Variants in SLC32A1 observed in about 807,000 individuals in gnomAD.
SLC32A1 encodes the protein vesicular inhibitory amino acid transporter.
SLC32A1 carries 8 observed loss-of-function variants against 35.5 expected under a neutral mutation model. The observed-to-expected ratio is 0.23, with a 90% confidence interval of 0.13 to 0.41. The LOEUF is 0.41. SLC32A1 is among the 10% of genes least tolerant of loss of function. SLC32A1 has a pLI of 1.00. For missense variants in SLC32A1, 493 were observed against 722.3 expected, an observed-to-expected ratio of 0.68 and a Z score of 3.64; for synonymous variants, 317 against 326.3, an observed-to-expected ratio of 0.97 and a Z score of 0.31.
rs890048254 is a variant in SLC32A1 at position 38,726,989 on chromosome 20, C to G, written c.391-463C>G. ...AGCCCCACCACAAATCCCGTGCCCA[C>G]TCTTTCCACTGGCCCAGGCCCAGCT... On this transcript the variant is annotated intron_variant, in intron 1 of 1. Coordinates refer to ENST00000217420, the MANE Select transcript of SLC32A1 (RefSeq NM_080552.3). The surrounding 1 kb of genome is among the most constrained non-coding windows in gnomAD (Gnocchi z 4.7). 1.3e-5 allele frequency among the ~76,000 whole-genome samples: 2 copies of G among 152,166 alleles called. No homozygotes were observed. Among genetic ancestry groups the G allele is most frequent in the Non-Finnish European group, 2.9e-5 (2 of 68,008 alleles).
At chr20:38,725,447 G>A (rs2084271748) in intron 1 of SLC32A1, among the ~76,000 whole-genome samples, 3 of 152,234 alleles carry the variant, frequency 2.0e-5, no homozygotes, top group Non-Finnish European at 4.4e-5. Context: ...AGGATTGGAG[G>A]GCACGGTTTG....
Position 38,724,699 on chromosome 20 carries a change from T to G in SLC32A1, c.-26T>G. On this transcript the variant is annotated 5_prime_UTR_variant, in exon 1 of 2. Coordinates refer to ENST00000217420, the MANE Select transcript of SLC32A1 (RefSeq NM_080552.3). ...TTCCCCGCATCCTCGGGTCCTTCTG[T>G]CCTTTCCGCTGTCCCCACCGCCGCC... is the stretch of plus-strand genomic sequence containing the variant. 3 of 1,575,320 alleles carry G rather than the reference T, an allele frequency of 1.9e-6. No individual in the cohort carries two copies. Among genetic ancestry groups the G allele is most frequent in the Non-Finnish European group, 2.6e-6 (3 of 1,162,714 alleles).
Position 38,728,947 on chromosome 20 carries a change from C to G in SLC32A1, c.*308C>G. ...GCCCCGACACTTTGGTTCCAGTCAT[C>G]GAGGGGGTTGGGAAGGGAGGGAGAG... On this transcript the variant is annotated 3_prime_UTR_variant, in exon 2 of 2. Coordinates refer to ENST00000217420, the MANE Select transcript of SLC32A1 (RefSeq NM_080552.3). 10 of 255,504 alleles carry G rather than the reference C, an allele frequency of 3.9e-5. No homozygotes were observed. The highest frequency in any genetic ancestry group is 7.6e-5 in the East Asian group (1 of 13,134). 15.8% of individuals were successfully genotyped at this position (255,504 alleles called of 1,614,324 possible).
rs1309408202 is a variant in SLC32A1 at position 38,728,704 on chromosome 20, C to G, written c.*65C>G. 1 of 1,445,556 alleles carries G rather than the reference C, an allele frequency of 6.9e-7. No homozygotes were observed. Among genetic ancestry groups the G allele is most frequent in the African/African-American group, 1.4e-5 (1 of 70,428 alleles). 89.5% of individuals were successfully genotyped at this position (1,445,556 alleles called of 1,614,324 possible). ...CCCTTCTCCCCTCACCCCGCCCCCA[C>G]CAGCCCAGTGCGCCCTGCCGCCGCG... On this transcript the variant is annotated 3_prime_UTR_variant, in exon 2 of 2. Transcript: ENST00000217420.
chr20:38,728,960 A>T lies in SLC32A1; in HGVS notation c.*321A>T, dbSNP rs2084289396. ...GGTTCCAGTCATCGAGGGGGTTGGG[A>T]AGGGAGGGAGAGGGGGCGCAGCTCG... On this transcript the variant is annotated 3_prime_UTR_variant, in exon 2 of 2. Transcript: ENST00000217420. 3.2e-6 allele frequency: 1 copy of T among 316,282 alleles called. No homozygotes were observed. The highest frequency in any genetic ancestry group is 5.7e-5 in the East Asian group (1 of 17,672). The allele number at this position is 316,282 out of a possible 1,614,324, so 19.6% of individuals were successfully genotyped here. A position where few individuals can be genotyped will look rare whatever the true frequency, so the allele number is the denominator to read the frequency against.
rs1475342463 is a variant in SLC32A1, at chr20:38,726,282, G to T, written c.390+1168G>T. Reference sequence around the variant, plus strand: ...TTTTCTGGGAGCAGAGGCCTCCCAGGGGTTGTTCCATGTATCGGGGTAAGC... The same window carrying T: ...TTTTCTGGGAGCAGAGGCCTCCCAGTGGTTGTTCCATGTATCGGGGTAAGC... On this transcript the variant is annotated intron_variant, in intron 1 of 1. Coordinates refer to ENST00000217420, the MANE Select transcript of SLC32A1 (RefSeq NM_080552.3). The surrounding 1 kb of genome is among the most constrained non-coding windows in gnomAD (Gnocchi z 4.7). Among the ~76,000 whole-genome samples, 1 of 152,200 alleles carries T rather than the reference G, an allele frequency of 6.6e-6. No individual in the cohort carries two copies. The highest frequency in any genetic ancestry group is 1.5e-5 in the Non-Finnish European group (1 of 68,038).
rs759666849 is a variant in SLC32A1, at chr20:38,728,282, G to A, written c.1221G>A (p.Lys407=). 2 of 1,613,686 alleles carry A rather than the reference G, an allele frequency of 1.2e-6. No homozygotes were observed. The highest frequency in any genetic ancestry group is 1.7e-6 in the Non-Finnish European group (2 of 1,179,654). ...PFFAAVEVLE[K]SLFQEGSRAF... ...TTGCCGCTGTCGAGGTGCTGGAGAA[G>A]TCGCTCTTCCAGGAAGGCAGCCGCG... The change falls in exon 2 of 2, where the codon AAG becomes AAA. Residue 407 remains lysine, a synonymous_variant. Coordinates refer to ENST00000217420, the MANE Select transcript of SLC32A1 (RefSeq NM_080552.3).
rs1464822213 is a variant in SLC32A1 at position 38,728,334 on chromosome 20, G to A, written c.1273G>A (p.Asp425Asn). Reference protein sequence around the residue: ...RAFFPACYSGDGRLKSWGLTL... With the variant: ...RAFFPACYSGNGRLKSWGLTL... ...CTTTTTCCCGGCCTGCTACAGCGGC[G>A]ACGGGCGCCTGAAGTCCTGGGGGCT... Residue 425 changes from aspartate to asparagine, a missense_variant, in exon 2 of 2, where the codon GAC becomes AAC. Asp to Asn is a conservative substitution (Grantham distance 23, BLOSUM62 1). Transcript: ENST00000217420. 5 of 1,613,162 alleles carry A rather than the reference G, an allele frequency of 3.1e-6. No homozygotes were observed. Among genetic ancestry groups the A allele is most frequent in the Non-Finnish European group, 4.2e-6 (5 of 1,179,786 alleles).
rs1308668818 is a variant in SLC32A1, at chr20:38,728,073, T to C, written c.1012T>C (p.Cys338Arg). The C allele has an allele frequency of 6.2e-7, 1 of 1,614,052 alleles. No individual in the cohort carries two copies. Among genetic ancestry groups the C allele is most frequent in the East Asian group, 2.2e-5 (1 of 44,884 alleles). Residue 338 changes from cysteine (C) to arginine (R), a missense_variant, in exon 2 of 2, where the codon TGC (cysteine) becomes CGC (arginine). This residue lies in a region of SLC32A1 where 269 missense variants were observed against 445.6 expected (regional missense o/e 0.60). Coordinates refer to ENST00000217420, the MANE Select transcript of SLC32A1 (RefSeq NM_080552.3). ...GNMQQPSEFH[C>R]MMNWTHIAAC... ...TATGCAGCAGCCCAGCGAGTTCCAC[T>C]GCATGATGAACTGGACGCACATCGC...
rs2084267281 is a variant in SLC32A1 at position 38,724,676 on chromosome 20, C to T, written c.-49C>T. On this transcript the variant is annotated 5_prime_UTR_variant, in exon 1 of 2. Transcript: ENST00000217420. ...AGCCCTCGCCTTCTTGCATCGCGTT[C>T]CCCGCATCCTCGGGTCCTTCTGTCC... The T allele has an allele frequency of 3.3e-6, 5 of 1,537,186 alleles. No homozygotes were observed. The highest frequency in any genetic ancestry group is 3.5e-6 in the Non-Finnish European group (4 of 1,146,144).
rs1223908299 is a variant in SLC32A1 at position 38,728,594 on chromosome 20, C to T, written c.1533C>T (p.Ser511=). ...GICSVSGFVH[S]LEGLIEAYRT... is the part of the protein sequence containing the mutation. ...GCAGCGTGTCCGGCTTCGTGCACTC[C>T]CTCGAGGGCCTCATCGAAGCCTACC... The change falls in exon 2 of 2, where the codon TCC becomes TCT. Residue 511 remains serine, a synonymous_variant. Coordinates refer to ENST00000217420, the MANE Select transcript of SLC32A1 (RefSeq NM_080552.3). 1.2e-6 allele frequency: 2 copies of T among 1,612,088 alleles called. No homozygotes were observed. The highest frequency in any genetic ancestry group is 1.1e-5 in the South Asian group (1 of 90,806).
rs954157119 is a variant in SLC32A1 at position 38,726,293 on chromosome 20, T to C, written c.391-1159T>C. On this transcript the variant is annotated intron_variant, in intron 1 of 1. Coordinates refer to ENST00000217420, the MANE Select transcript of SLC32A1 (RefSeq NM_080552.3). The surrounding 1 kb of genome is among the most constrained non-coding windows in gnomAD (Gnocchi z 4.7). ...CAGAGGCCTCCCAGGGGTTGTTCCA[T>C]GTATCGGGGTAAGCAGGACTCCACC... is the stretch of plus-strand genomic sequence containing the variant. Among the ~76,000 whole-genome samples, 1 of 151,866 alleles carries C rather than the reference T, an allele frequency of 6.6e-6. No homozygotes were observed. Among genetic ancestry groups the C allele is most frequent in the African/African-American group, 2.4e-5 (1 of 41,346 alleles).
Position 38,724,824 on chromosome 20 carries a change from C to A in SLC32A1, c.100C>A (p.Gln34Lys). Reference sequence around the variant, plus strand: ...CGGCATGTTCGCCAGGATGGGTTTTCAGGCGGCCACGGATGAGGAGGCGGT... The same window carrying A: ...CGGCATGTTCGCCAGGATGGGTTTTAAGGCGGCCACGGATGAGGAGGCGGT... ...MSGMFARMGF[Q>K]AATDEEAVGF... Residue 34 changes from glutamine to lysine, a missense_variant, in exon 1 of 2, where the codon CAG (glutamine) becomes AAG (lysine). Gln to Lys is a moderately conservative substitution (Grantham distance 53). Coordinates refer to ENST00000217420, the MANE Select transcript of SLC32A1 (RefSeq NM_080552.3). 1 of 1,613,968 alleles carries A rather than the reference C, an allele frequency of 6.2e-7. No homozygotes were observed. Among genetic ancestry groups the A allele is most frequent in the Non-Finnish European group, 8.5e-7 (1 of 1,180,002 alleles).
chr20:38,725,220 C>T, intron 1 of SLC32A1, 106 bp downstream of exon 1: 1 of 1,363,926 alleles, frequency 7.3e-7, no homozygotes, highest in African/African-American at 1.5e-5. Context: ...AGACCCCCTC[C>T]TGTACCCAGG....
rs371689127 is a variant in SLC32A1 at position 38,724,730 on chromosome 20, C to T, written c.6C>T (p.Ala2=). 1.2e-6 allele frequency: 2 copies of T among 1,604,012 alleles called. No individual in the cohort carries two copies. The highest frequency in any genetic ancestry group is 8.5e-7 in the Non-Finnish European group (1 of 1,175,146). ...CCGCTGTCCCCACCGCCGCCATGGC[C>T]ACCTTGCTCCGCAGCAAGCTGTCCA... M[A]TLLRSKLSNV... Residue 2 remains alanine, a synonymous_variant, in exon 1 of 2, where the codon GCC becomes GCT. Coordinates refer to ENST00000217420, the MANE Select transcript of SLC32A1 (RefSeq NM_080552.3).
At position 38,727,178 on chromosome 20, in the gene SLC32A1, C is replaced by T. The variant is rs139107454; in HGVS notation, c.391-274C>T. The stretch of plus-strand genomic sequence containing the variant: ...CTCAGCCCTCTCCCACCCTAGCCCT[C>T]TCGCTATCACCAGCCATTAGCGCAC... On this transcript the variant is annotated intron_variant, in intron 1 of 1. Coordinates refer to ENST00000217420, the MANE Select transcript of SLC32A1 (RefSeq NM_080552.3). Among the ~76,000 whole-genome samples the T allele has an allele frequency of 4.3e-3, 662 of 152,286 alleles. 5 individuals carry two copies. Among genetic ancestry groups the T allele is most frequent in the African/African-American group, 0.015 (624 of 41,570 alleles).
chr20:38,724,608 C>G lies in SLC32A1; in HGVS notation c.-117C>G. On this transcript the variant is annotated 5_prime_UTR_variant, in exon 1 of 2. Coordinates refer to ENST00000217420, the MANE Select transcript of SLC32A1 (RefSeq NM_080552.3). ...GGTCATGAGCCAGAGAGCCCCGGGG[C>G]GCCGCGCGGAGAGCAAGCGGAGATA... The G allele has an allele frequency of 7.7e-7, 1 of 1,304,068 alleles. No individual in the cohort carries two copies. The highest frequency in any genetic ancestry group is 1.0e-6 in the Non-Finnish European group (1 of 971,412). 80.8% of individuals were successfully genotyped at this position (1,304,068 alleles called of 1,614,324 possible). A position where few individuals can be genotyped will look rare whatever the true frequency, so the allele number is the denominator to read the frequency against.
chr20:38,728,111 C>T lies in SLC32A1; in HGVS notation c.1050C>T (p.Leu350=). ...MNWTHIAACV[L]KGLFALVAYL... is the part of the protein sequence containing the mutation. The stretch of plus-strand genomic sequence containing the variant: ...GGACGCACATCGCAGCCTGCGTGCT[C>T]AAGGGCCTCTTCGCGCTCGTCGCCT... Residue 350 remains leucine, a synonymous_variant, in exon 2 of 2, where the codon CTC becomes CTT. Coordinates refer to ENST00000217420, the MANE Select transcript of SLC32A1 (RefSeq NM_080552.3). The T allele has an allele frequency of 2.5e-6, 4 of 1,614,110 alleles. No individual in the cohort carries two copies. Among genetic ancestry groups the T allele is most frequent in the Non-Finnish European group, 2.5e-6 (3 of 1,180,056 alleles).
rs1245356549 is a variant in SLC32A1 at position 38,724,667 on chromosome 20, C to A, written c.-58C>A. 1 of 1,531,340 alleles carries A rather than the reference C, an allele frequency of 6.5e-7. No homozygotes were observed. 94.9% of individuals were successfully genotyped at this position (1,531,340 alleles called of 1,614,324 possible). The stretch of plus-strand genomic sequence containing the variant: ...GCGCCCCCCAGCCCTCGCCTTCTTG[C>A]ATCGCGTTCCCCGCATCCTCGGGTC... On this transcript the variant is annotated 5_prime_UTR_variant, in exon 1 of 2. Transcript: ENST00000217420.
Sources: allele counts gnomAD v4.1 joint callset (sites outside exome capture counted in the v4.1 genomes callset), GRCh38; gene constraint gnomAD v4.1.1; regional missense constraint gnomAD v4.1.1; non-coding constraint Gnocchi (gnomAD v3.1); transcripts MANE v1.5; gene names NCBI Gene and HGNC (gene_info 2026-07-23, HGNC 2026-07-21).